Variants in BARX2 observed in about 807,000 individuals in gnomAD.
BARX2 encodes BARX homeobox 2, also known as homeobox protein BarH-like 2.
Under a neutral mutation model 25.5 loss-of-function variants are expected in BARX2, and 11 were observed. The ratio of observed to expected loss-of-function variants is 0.43; its 90% confidence interval spans 0.27 to 0.71. The LOEUF is 0.71. Ranked by LOEUF, BARX2 falls within the 30% of genes least tolerant of loss-of-function variation. The pLI is 0.19. For missense variants in BARX2, 360 were observed against 359.9 expected (o/e 1.00, Z 0.00); for synonymous variants, 137 against 149.5 (o/e 0.92, Z 0.61).
chr11:129,419,327 G>A (rs905071003), intron 1 of BARX2, among the ~76,000 whole-genome samples: 9 of 152,122 alleles, frequency 5.9e-5, no homozygotes, highest in African/African-American at 1.4e-4. Flanking sequence ...TGTTTTTGTC[G>A]CTAGAAACGT....
intron 1 of BARX2, among the ~76,000 whole-genome samples, chr11:129,424,066 C>A: frequency 6.6e-6 from 1 of 152,138 alleles, no homozygotes; most frequent in Middle Eastern, 3.4e-3. Context: ...GTGAGGCTGG[C>A]CTCGAACTCT....
intron 1 of BARX2, among the ~76,000 whole-genome samples, chr11:129,405,533 A>T (rs1861820899): frequency 6.6e-6 from 1 of 152,164 alleles, no homozygotes; most frequent in African/African-American, 2.4e-5. Flanking sequence ...AGTTCAGGCC[A>T]TTATTACCAG....
In BARX2 at chr11:129,399,891, A is replaced by G. The variant is rs115490879; in HGVS notation, c.187+23669A>G. ...ACACTAGTGGTCATGTCTTATGGGA[A>G]GCTGCCTCCCACCCCAGACCTGTTT... On this transcript the variant is annotated intron_variant, in intron 1 of 3. Coordinates refer to ENST00000281437, the MANE Select transcript of BARX2 (RefSeq NM_003658.5). 2.0e-3 allele frequency among the ~76,000 whole-genome samples: 301 copies of G among 152,228 alleles called. 2 individuals carry two copies. The highest frequency in any genetic ancestry group is 7.0e-3 in the African/African-American group (293 of 41,562).
At chr11:129,434,495 C>T (rs1420492359) in intron 1 of BARX2, among the ~76,000 whole-genome samples, 1 of 146,938 alleles carries the variant, frequency 6.8e-6, no homozygotes, top group African/African-American at 2.5e-5. Flanking sequence ...GAACTGCTGG[C>T]TTCAAGCAGT....
intron 1 of BARX2, among the ~76,000 whole-genome samples, chr11:129,400,512 G>T (rs892043926): frequency 6.6e-6 from 1 of 152,194 alleles, no homozygotes; most frequent in East Asian, 1.9e-4. Flanking sequence ...AAAGTGGCTG[G>T]AAACAGATAG....
chr11:129,414,065 C>CAAAAAAAAAAAAAAAAAAAAAAAA (rs879620964), intron 1 of BARX2, among the ~76,000 whole-genome samples: 2 of 133,162 alleles, frequency 1.5e-5, no homozygotes, highest in African/African-American at 5.6e-5. Flanking sequence ...GACTCCATCT[C>CAAAAAAAAAAAAAAAAAAAAAAAA]AAAAAAAAAA....
At chr11:129,402,554 GC>G (rs573102250) in intron 1 of BARX2, among the ~76,000 whole-genome samples, 7 of 152,096 alleles carry the variant, frequency 4.6e-5, no homozygotes, top group Non-Finnish European at 1.0e-4. Flanking sequence ...TAATAATGGT[GC>G]CCTTTCATTT....
intron 1 of BARX2, among the ~76,000 whole-genome samples, chr11:129,415,505 C>T (rs1451725321): frequency 6.6e-6 from 1 of 152,122 alleles, no homozygotes; most frequent in East Asian, 1.9e-4. Flanking sequence ...CTGCTGGGCC[C>T]ACTGGTCATA....
In BARX2 at chr11:129,447,102, T is replaced by C. The variant is rs555221296; in HGVS notation, c.574-4034T>C. Among the ~76,000 whole-genome samples, 19 of 152,306 alleles carry C rather than the reference T, an allele frequency of 1.2e-4. 1 individual carries two copies. The South Asian group carries it at 3.9e-3, about 32-fold the overall frequency. On this transcript the variant is annotated intron_variant, in intron 3 of 3. Transcript: ENST00000281437. ...TAGACTCAAATGGTCAGGAGGTTTG[T>C]GTTCAAATCCCAGCTCTGCCCTTGG...
intron 1 of BARX2, among the ~76,000 whole-genome samples, chr11:129,382,426 G>T (rs1396979951): frequency 6.6e-6 from 1 of 152,128 alleles, no homozygotes; most frequent in Non-Finnish European, 1.5e-5. Context: ...TGATCTGCCC[G>T]CTTTGGCCTC....
chr11:129,434,130 A>G (rs1252413531), intron 1 of BARX2, among the ~76,000 whole-genome samples: 4 of 151,942 alleles, frequency 2.6e-5, no homozygotes. Context: ...AAAAAAAATC[A>G]TAGTTTTAAA....
chr11:129,420,783 A>G (rs576405411), intron 1 of BARX2, among the ~76,000 whole-genome samples: 1 of 152,378 alleles, frequency 6.6e-6, no homozygotes, highest in South Asian at 2.1e-4. Context: ...TGTTCAGTTG[A>G]TACCCTGTGC....
At chr11:129,406,373 T>C (rs1424979531) in intron 1 of BARX2, among the ~76,000 whole-genome samples, 6 of 152,234 alleles carry the variant, frequency 3.9e-5, no homozygotes, top group Middle Eastern at 3.4e-3. Context: ...AGTAGCAGAG[T>C]CTAAACACAA....
rs766581021 is a variant in BARX2, at chr11:129,451,345, A to C, written c.783A>C (p.Pro261=). The C allele has an allele frequency of 3.7e-5, 59 of 1,614,010 alleles. No homozygotes were observed. The Middle Eastern group carries it at 4.9e-4, about 13-fold the overall frequency. The change falls in exon 4 of 4, where the codon CCA becomes CCC. Residue 261 remains proline (P), a synonymous_variant. Coordinates refer to ENST00000281437, the MANE Select transcript of BARX2 (RefSeq NM_003658.5). ...ATGTCCCCTTAGAGATGGCAGAGCC[A>C]CCAGACCCGCCCCAGGAGTTGCCAA... is the stretch of plus-strand genomic sequence containing the variant. ...ARDVPLEMAE[P]PDPPQELPIP...
At position 129,381,562 on chromosome 11, in the gene BARX2, T is replaced by G. The variant is rs1364344221; in HGVS notation, c.187+5340T>G. Among the ~76,000 whole-genome samples the G allele has an allele frequency of 3.3e-5, 5 of 152,342 alleles. 1 individual carries two copies. The South Asian group carries it at 1.0e-3, about 32-fold the overall frequency. ...TCAAATCAACTTTGCTACATACAAC[T>G]CAAATGAAACTCTATTATGAGGCTG... On this transcript the variant is annotated intron_variant, in intron 1 of 3. Transcript: ENST00000281437.
intron 1 of BARX2, among the ~76,000 whole-genome samples, chr11:129,414,308 G>GATAT (rs1861921590): frequency 6.6e-6 from 1 of 152,052 alleles, no homozygotes; most frequent in Admixed American, 6.6e-5. Context: ...TTCAGTTCTG[G>GATAT]ATATAATTTA....
chr11:129,424,466 C>T (rs1017149512), intron 1 of BARX2, among the ~76,000 whole-genome samples: 10 of 152,152 alleles, frequency 6.6e-5, no homozygotes, highest in African/African-American at 2.4e-4. Context: ...TTTCCAGATA[C>T]TACTGGATTT....
intron 1 of BARX2, among the ~76,000 whole-genome samples, chr11:129,404,354 C>G (rs1398685042): frequency 1.3e-5 from 2 of 152,218 alleles, no homozygotes; most frequent in African/African-American, 2.4e-5. Flanking sequence ...GACTCAGTAT[C>G]ACTCCATGTG....
chr11:129,401,413 A>G (rs1236957150), intron 1 of BARX2, among the ~76,000 whole-genome samples: 1 of 152,228 alleles, frequency 6.6e-6, no homozygotes, highest in Non-Finnish European at 1.5e-5. Context: ...GTTGGAAAAT[A>G]GGTAAAGTGG....
Sources: gnomAD v4.1 joint callset for allele counts (sites outside exome capture counted in the v4.1 genomes callset) on GRCh38, gnomAD v4.1.1 for gene constraint, MANE v1.5 for transcripts, NCBI Gene and HGNC (gene_info 2026-07-23, HGNC 2026-07-21) for gene names.